The following PAPPA2 variants were observed in gnomAD, a reference collection of about 807,000 sequenced individuals.
The protein encoded by PAPPA2 is pappalysin-2.
PAPPA2 carries 86 observed loss-of-function variants against 176.4 expected under a neutral mutation model. The observed-to-expected ratio is 0.49, with a 90% CI of 0.41 to 0.58. The LOEUF (loss-of-function observed/expected upper bound fraction) is 0.58. Ranked by LOEUF, PAPPA2 falls within the 20% of genes least tolerant of loss-of-function variation. PAPPA2 has a pLI of 0.00. For missense variants in PAPPA2, 2,073 were observed against 2,256.9 expected, an observed-to-expected ratio of 0.92 and a Z score of 1.65; for synonymous variants, 809 against 852.2, an observed-to-expected ratio of 0.95 and a Z score of 0.88.
chr1:176,608,029 A>G (rs970911873), intron 3 of PAPPA2, among the ~76,000 whole-genome samples: 1 of 152,316 alleles, frequency 6.6e-6, no homozygotes, highest in South Asian at 2.1e-4. Context: ...AACAAGATTG[A>G]TGGATTGGAT....
At position 176,501,835 on chromosome 1, in the gene PAPPA2, C is replaced by T. The variant is rs145973833; in HGVS notation, c.-917+38417C>T. 2.7e-4 allele frequency among the ~76,000 whole-genome samples: 41 copies of T among 152,214 alleles called. 2 individuals carry two copies. Among genetic ancestry groups the T allele is most frequent in the African/African-American group, 9.9e-4 (41 of 41,546 alleles). Reference sequence around the variant, plus strand: ...TGCCCCTGGGGTGCTTCCATCACAGCGAGTCACCGTGGTGATGCCACAGTT... The same window carrying T: ...TGCCCCTGGGGTGCTTCCATCACAGTGAGTCACCGTGGTGATGCCACAGTT... On this transcript the variant is annotated intron_variant, in intron 1 of 22. Transcript: ENST00000367662.
chr1:176,471,138 G>T (rs1243301690), intron 1 of PAPPA2, among the ~76,000 whole-genome samples: 3 of 152,184 alleles, frequency 2.0e-5, no homozygotes, highest in South Asian at 4.2e-4. Flanking sequence ...AACCCATATG[G>T]GAGAAGTGAA....
At chr1:176,725,451 G>A (rs1015224494) in intron 12 of PAPPA2, among the ~76,000 whole-genome samples, 4 of 152,114 alleles carry the variant, frequency 2.6e-5, no homozygotes, top group Non-Finnish European at 5.9e-5. Flanking sequence ...AATATATTGT[G>A]ATATGGAGGG....
intron 21 of PAPPA2, among the ~76,000 whole-genome samples, chr1:176,809,061 A>G (rs1203534295): frequency 1.3e-5 from 2 of 152,186 alleles, no homozygotes; most frequent in East Asian, 1.9e-4. Flanking sequence ...TTGAAAAGGC[A>G]TATTAGTCTT....
At chr1:176,590,358 T>C (rs753371462) in intron 2 of PAPPA2, among the ~76,000 whole-genome samples, 31 of 152,174 alleles carry the variant, frequency 2.0e-4, no homozygotes, top group South Asian at 2.1e-4. Flanking sequence ...ATATTGACCA[T>C]TGTGGGAGTA....
In PAPPA2 at chr1:176,769,562, C is replaced by T. The variant is rs369175976; in HGVS notation, c.4324-45C>T. On this transcript the variant is annotated intron_variant, in intron 15 of 22. Coordinates refer to ENST00000367662, the MANE Select transcript of PAPPA2 (RefSeq NM_020318.3). ...CTAAAGCCTGGAAACTACTCTGATACGCCTTTTAATGTGACTTTGACAGAA... is the reference window on the plus strand; with the variant it reads ...CTAAAGCCTGGAAACTACTCTGATATGCCTTTTAATGTGACTTTGACAGAA... The T allele has an allele frequency of 5.1e-5, 80 of 1,566,736 alleles. No homozygotes were observed. In the East Asian group the frequency reaches 5.4e-4, roughly 11 times the overall value.
In PAPPA2 at chr1:176,595,188, G is replaced by T; in HGVS notation, c.1584G>T (p.Gln528His). ...PLRGEKVIRY[Q>H]VVNICDDEGL... ...GGGGAGAGAAGGTGATACGCTACCA[G>T]GTGGTGAACATCTGTGATGATGAGG... The change falls in exon 3 of 23, where the codon CAG becomes CAT. Residue 528 changes from glutamine (Q) to histidine (H), a missense_variant. Gln to His is a conservative substitution (Grantham distance 24). Coordinates refer to ENST00000367662, the MANE Select transcript of PAPPA2 (RefSeq NM_020318.3). 1 of 1,614,224 alleles carries T rather than the reference G, an allele frequency of 6.2e-7. No homozygotes were observed. The highest frequency in any genetic ancestry group is 8.5e-7 in the Non-Finnish European group (1 of 1,180,042).
intron 21 of PAPPA2, among the ~76,000 whole-genome samples, chr1:176,801,843 T>C (rs2102950860): frequency 6.6e-6 from 1 of 152,186 alleles, no homozygotes; most frequent in South Asian, 2.1e-4. Flanking sequence ...TTCCCATTTG[T>C]TCTCCCCTCC....
At chr1:176,716,394 C>T (rs981599208) in intron 12 of PAPPA2, among the ~76,000 whole-genome samples, 1 of 151,240 alleles carries the variant, frequency 6.6e-6, no homozygotes, top group Non-Finnish European at 1.5e-5. Flanking sequence ...TACAGGTGCC[C>T]GCCATTATGC....
chr1:176,681,170 G>A (rs760812485), intron 4 of PAPPA2, among the ~76,000 whole-genome samples: 3 of 152,170 alleles, frequency 2.0e-5, no homozygotes, highest in Non-Finnish European at 4.4e-5. Context: ...AGCTACTGCA[G>A]AGAGATGAAA....
chr1:176,710,201 T>C (rs1329992092), intron 11 of PAPPA2, 25 bp downstream of exon 11: 1 of 1,602,444 alleles, frequency 6.2e-7, no homozygotes, highest in Non-Finnish European at 8.5e-7. Context: ...ATGAATAGAG[T>C]CGAGCCTGCG....
intron 1 of PAPPA2, among the ~76,000 whole-genome samples, chr1:176,492,556 C>T (rs1647349127): frequency 6.6e-6 from 1 of 152,114 alleles, no homozygotes; most frequent in East Asian, 1.9e-4. Flanking sequence ...TGTTTCTAAG[C>T]CCAACTTATC....
intron 17 of PAPPA2, among the ~76,000 whole-genome samples, chr1:176,776,776 A>G (rs2102920082): frequency 6.6e-6 from 1 of 152,026 alleles, no homozygotes; most frequent in Admixed American, 6.6e-5. Context: ...TGTACACAAT[A>G]CCCCATAATT....
chr1:176,518,839 G>T (rs779020169), intron 1 of PAPPA2, among the ~76,000 whole-genome samples: 8 of 152,046 alleles, frequency 5.3e-5, no homozygotes, highest in Non-Finnish European at 8.8e-5. Context: ...AGAGAATGTG[G>T]ATGACTTTGC....
intron 20 of PAPPA2, among the ~76,000 whole-genome samples, chr1:176,799,578 T>C (rs1177136070): frequency 6.6e-6 from 1 of 152,192 alleles, no homozygotes; most frequent in Non-Finnish European, 1.5e-5. Context: ...TCACATCTTA[T>C]AATCTAGCAT....
intron 17 of PAPPA2, among the ~76,000 whole-genome samples, chr1:176,773,717 C>T (rs1483328183): frequency 6.6e-6 from 1 of 152,156 alleles, no homozygotes. Context: ...AATACACATG[C>T]TATGTATTTT....
intron 3 of PAPPA2, among the ~76,000 whole-genome samples, chr1:176,644,503 T>A (rs1181199313): frequency 6.6e-6 from 1 of 151,870 alleles, no homozygotes; most frequent in Non-Finnish European, 1.5e-5. Flanking sequence ...ATTGTGATAT[T>A]CCATTGTACA....
At chr1:176,708,463 G>T (rs1203479217) in intron 10 of PAPPA2, among the ~76,000 whole-genome samples, 3 of 151,576 alleles carry the variant, frequency 2.0e-5, no homozygotes, top group African/African-American at 7.3e-5. Flanking sequence ...AAAAAATAGA[G>T]ACAAGAAGTA....
intron 3 of PAPPA2, among the ~76,000 whole-genome samples, chr1:176,635,577 C>T (rs1206414299): frequency 6.6e-6 from 1 of 152,146 alleles, no homozygotes; most frequent in Non-Finnish European, 1.5e-5. Flanking sequence ...CTAAGATCCA[C>T]TCACTTTCTG....
Sources: gnomAD v4.1 joint callset for allele counts (sites outside exome capture counted in the v4.1 genomes callset) on GRCh38, gnomAD v4.1.1 for gene constraint, MANE v1.5 for transcripts, NCBI Gene and HGNC (gene_info 2026-07-23, HGNC 2026-07-21) for gene names.